The following MAP4 variants were observed in gnomAD, a reference collection of about 807,000 sequenced individuals.
MAP4 encodes the protein microtubule associated protein 4, also known as microtubule-associated protein 4.
A neutral mutation model predicts 170.2 loss-of-function variants in MAP4; 76 were observed. The observed-to-expected ratio is 0.45, with a 90% CI of 0.37 to 0.54. MAP4 has a LOEUF of 0.54. MAP4 is among the 20% of genes least tolerant of loss of function. MAP4 has a pLI of 0.00. For missense variants in MAP4, 2,506 were observed against 2,748.0 expected (o/e 0.91, Z 1.97); for synonymous variants, 909 against 994.5 (o/e 0.91, Z 1.62).
chr3:47,870,748 T>C (rs2090184776), intron 15 of MAP4, 65 bp downstream of exon 15: 7 of 1,457,156 alleles, frequency 4.8e-6, no homozygotes, highest in African/African-American at 1.4e-5. Context: ...CTGGGAACAG[T>C]GGGTGGAAAT....
chr3:48,087,517 C>A (rs1579952145), intron 1 of MAP4, among the ~76,000 whole-genome samples: 1 of 152,110 alleles, frequency 6.6e-6, no homozygotes, highest in Admixed American at 6.6e-5. Flanking sequence ...GTCTACCCAG[C>A]CAAGCTGACG....
intron 1 of MAP4, among the ~76,000 whole-genome samples, chr3:48,073,624 GAA>G (rs2100142159): frequency 6.7e-6 from 1 of 148,698 alleles, no homozygotes; most frequent in African/African-American, 2.5e-5. Context: ...AAAAAAAAAA[GAA>G]GAAAAAAAAA....
intron 3 of MAP4, among the ~76,000 whole-genome samples, chr3:47,951,336 C>T (rs2154100056): frequency 6.6e-6 from 1 of 152,060 alleles, no homozygotes; most frequent in East Asian, 1.9e-4. Flanking sequence ...CCCTCCTCTC[C>T]CTCCTCTCCC....
intron 2 of MAP4, among the ~76,000 whole-genome samples, chr3:47,988,787 T>C (rs1228538943): frequency 1.3e-5 from 2 of 151,894 alleles, no homozygotes; most frequent in African/African-American, 4.8e-5. Flanking sequence ...GAAAAAGGTA[T>C]AGTTTCACAG....
chr3:47,877,426 C>A lies in MAP4; in HGVS notation c.5532G>T (p.Lys1844Asn), dbSNP rs141357360. Residue 1844 changes from lysine (K) to asparagine (N), a missense_variant, in exon 11 of 21, where the codon AAG (lysine) becomes AAT (asparagine). This residue lies in a region of MAP4 where 2,008 missense variants were observed against 2,206.0 expected (regional missense o/e 0.91). Coordinates refer to ENST00000683076, the MANE Select transcript of MAP4 (RefSeq NM_001385682.1). ...CCATTCTGGCACCTACCTTTGTTTT[C>A]TTCTCTGGGCTTGGTGGGAGCTCCT... is the stretch of plus-strand genomic sequence containing the variant. Reference protein sequence around the residue: ...PNKELPPSPEKKTKPLATTQP... With the variant: ...PNKELPPSPENKTKPLATTQP... 8.1e-6 allele frequency: 13 copies of A among 1,613,812 alleles called. No homozygotes were observed. In the African/African-American group the frequency reaches 1.6e-4, roughly 20 times the overall value.
chr3:47,933,728 G>C (rs571363363), intron 3 of MAP4, among the ~76,000 whole-genome samples: 33 of 151,658 alleles, frequency 2.2e-4, no homozygotes, highest in Non-Finnish European at 2.2e-4. Flanking sequence ...AGCCTCCCAA[G>C]CAGCTGGGAC....
chr3:48,063,486 T>C (rs772141311), intron 1 of MAP4, among the ~76,000 whole-genome samples: 3 of 151,808 alleles, frequency 2.0e-5, no homozygotes, highest in Non-Finnish European at 4.4e-5. Flanking sequence ...AATCCAGCAA[T>C]TGCACTCCTT....
At chr3:48,029,057 G>C (rs2100114578) in intron 1 of MAP4, among the ~76,000 whole-genome samples, 1 of 150,956 alleles carries the variant, frequency 6.6e-6, no homozygotes, top group African/African-American at 2.4e-5. Context: ...GAGGTGTGAG[G>C]ATCACTGGAG....
intron 1 of MAP4, among the ~76,000 whole-genome samples, chr3:48,012,656 C>T (rs1183821666): frequency 2.0e-5 from 3 of 152,102 alleles, no homozygotes; most frequent in East Asian, 1.9e-4. Context: ...TCAGCACCCC[C>T]ACCCCGCCCC....
chr3:47,879,476 T>A (rs1461664238), intron 10 of MAP4, among the ~76,000 whole-genome samples: 1 of 152,156 alleles, frequency 6.6e-6, no homozygotes, highest in African/African-American at 2.4e-5. Context: ...AAGAAATACA[T>A]AGGGAAGGTC....
intron 1 of MAP4, among the ~76,000 whole-genome samples, chr3:48,084,099 A>G (rs2100147894): frequency 6.6e-6 from 1 of 151,460 alleles, no homozygotes; most frequent in Admixed American, 6.6e-5. Flanking sequence ...AATCCCAGCT[A>G]CTCAGGAGGC....
At chr3:47,913,314 T>TTGTA (rs2100036892) in intron 8 of MAP4, among the ~76,000 whole-genome samples, 1 of 152,194 alleles carries the variant, frequency 6.6e-6, no homozygotes, top group Admixed American at 6.5e-5. Flanking sequence ...AATATTATAA[T>TTGTA]ATGTAAATAG....
chr3:48,084,575 CT>C (rs746461438), intron 1 of MAP4, among the ~76,000 whole-genome samples: 511 of 140,732 alleles, frequency 3.6e-3, no homozygotes, highest in Middle Eastern at 7.2e-3. Flanking sequence ...TTTATTACCC[CT>C]TTTTTTTTTT....
At chr3:48,014,737 A>G (rs1427417693) in intron 1 of MAP4, among the ~76,000 whole-genome samples, 1 of 151,868 alleles carries the variant, frequency 6.6e-6, no homozygotes, top group Non-Finnish European at 1.5e-5. Context: ...GGAAACCTTC[A>G]TTTTACTGTG....
rs183937012 is a variant in MAP4 at position 47,979,594 on chromosome 3, C to G, written c.224-1661G>C. 3.7e-3 allele frequency among the ~76,000 whole-genome samples: 569 copies of G among 152,124 alleles called. 4 individuals are homozygous for G. Among genetic ancestry groups the G allele is most frequent in the African/African-American group, 0.013 (533 of 41,502 alleles). ...GCTCAGCCTCCCCAAGTAGCTGGGA[C>G]TACAGGCACGTGCCACCACGTCCAG... On this transcript the variant is annotated intron_variant, in intron 2 of 20. Coordinates refer to ENST00000683076, the MANE Select transcript of MAP4 (RefSeq NM_001385682.1).
chr3:47,903,499 C>T lies in MAP4; in HGVS notation c.5384-499G>A, dbSNP rs549935124. The stretch of plus-strand genomic sequence containing the variant: ...AGTGAGCCGAGATCGCGCCACTGCA[C>T]TCTCGCCTTGGCGAAAGAGCGAGAC... On this transcript the variant is annotated intron_variant, in intron 9 of 20. Coordinates refer to ENST00000683076, the MANE Select transcript of MAP4 (RefSeq NM_001385682.1). Among the ~76,000 whole-genome samples the T allele has an allele frequency of 2.0e-5, 3 of 149,342 alleles. No homozygotes were observed. In the South Asian group the frequency reaches 6.3e-4, roughly 31 times the overall value.
intron 3 of MAP4, among the ~76,000 whole-genome samples, chr3:47,947,492 A>T (rs894407224): frequency 6.6e-6 from 1 of 152,156 alleles, no homozygotes; most frequent in Admixed American, 6.6e-5. Flanking sequence ...GGAAAGGCCA[A>T]ATCATCTGCC....
At chr3:47,977,688 C>T (rs1259887491) in intron 3 of MAP4, among the ~76,000 whole-genome samples, 177 bp downstream of exon 3, 1 of 152,242 alleles carries the variant, frequency 6.6e-6, no homozygotes, top group African/African-American at 2.4e-5. Flanking sequence ...TATTCTCCTT[C>T]CATTGTTGGA....
rs1159044513 is a variant in MAP4 at position 47,909,316 on chromosome 3, T to C, written c.5105A>G (p.Glu1702Gly). The C allele has an allele frequency of 6.2e-7, 1 of 1,613,944 alleles. No homozygotes were observed. Among genetic ancestry groups the C allele is most frequent in the Non-Finnish European group, 8.5e-7 (1 of 1,179,858 alleles). Reference protein sequence around the residue: ...IQSDFLHSKVEAPPSEVADTL... With the variant: ...IQSDFLHSKVGAPPSEVADTL... ...ATCCGCCACCTCTGAAGGAGGAGCT[T>C]CGACTTTGCTATGTAAGAAATCTGA... Residue 1702 changes from glutamate (E) to glycine (G), a missense_variant, in exon 9 of 21, where the codon GAA becomes GGA. Glu to Gly is a moderately conservative substitution (Grantham distance 98). Around this residue, in one of 3 missense-constraint regions of MAP4, gnomAD observed 2,008 missense variants for 2,206.0 expected, o/e 0.91. Transcript: ENST00000683076.
Sources: gnomAD v4.1 joint callset for allele counts (sites outside exome capture counted in the v4.1 genomes callset) on GRCh38, gnomAD v4.1.1 for gene constraint, gnomAD v4.1.1 regional missense constraint, MANE v1.5 for transcripts, NCBI Gene and HGNC (gene_info 2026-07-23, HGNC 2026-07-21) for gene names.